UNC5C: variants seen among roughly 807,000 people sequenced by gnomAD.
UNC5C encodes the protein unc-5 netrin receptor C, also known as netrin receptor UNC5C.
UNC5C carries 47 observed loss-of-function variants against 99.8 expected under a neutral mutation model. That is an observed-to-expected ratio of 0.47 (90% CI 0.37 to 0.60). UNC5C has a LOEUF of 0.60. UNC5C is among the 20% of genes least tolerant of loss of function. The pLI, the probability that UNC5C is intolerant of heterozygous loss-of-function variation, is 0.00. For synonymous variants in UNC5C, 487 were observed against 452.2 expected (o/e 1.08, Z -0.98); for missense variants, 1,062 against 1,165.9 (o/e 0.91, Z 1.30).
intron 1 of UNC5C, among the ~76,000 whole-genome samples, chr4:95,375,799 C>T (rs564050570): frequency 3.8e-4 from 58 of 152,172 alleles, no homozygotes; most frequent in South Asian, 8.3e-4. Flanking sequence ...CAGAATAGGC[C>T]GGGCGTGGTG....
At chr4:95,525,510 G>A (rs539094860) in intron 1 of UNC5C, among the ~76,000 whole-genome samples, 7 of 142,988 alleles carry the variant, frequency 4.9e-5, no homozygotes, top group African/African-American at 1.6e-4. Flanking sequence ...CATGTAACTC[G>A]AAATGTGATA....
rs558561786 is a variant in UNC5C at position 95,376,523 on chromosome 4, T to G, written c.125-40892A>C. Among the ~76,000 whole-genome samples, 13 of 152,286 alleles carry G rather than the reference T, an allele frequency of 8.5e-5. No homozygotes were observed. In the South Asian group the frequency reaches 2.7e-3, roughly 32 times the overall value. On this transcript the variant is annotated intron_variant, in intron 1 of 15. Coordinates refer to ENST00000453304, the MANE Select transcript of UNC5C (RefSeq NM_003728.4). Reference sequence around the variant, plus strand: ...ATCAATTTATACCTTTAGAAGCTCCTATTTTGAAAAATCAGTTTAAATAAC... The same window carrying G: ...ATCAATTTATACCTTTAGAAGCTCCGATTTTGAAAAATCAGTTTAAATAAC...
chr4:95,478,138 C>T (rs1156686443), intron 1 of UNC5C, among the ~76,000 whole-genome samples: 1 of 151,768 alleles, frequency 6.6e-6, no homozygotes, highest in East Asian at 1.9e-4. Flanking sequence ...GTCCTTACAC[C>T]CACTCTTAAT....
chr4:95,440,084 C>A (rs540341488), intron 1 of UNC5C, among the ~76,000 whole-genome samples: 1 of 152,158 alleles, frequency 6.6e-6, no homozygotes. Flanking sequence ...GTGGTTCTGC[C>A]TCTGCTGTTC....
rs532994534 is a variant in UNC5C at position 95,507,213 on chromosome 4, C to A, written c.124+41521G>T. ...TTTCAATTCTTCTTTAATATAATAT[C>A]ATACCAAGTAAATTAATCAGCAGAT... On this transcript the variant is annotated intron_variant, in intron 1 of 15. Transcript: ENST00000453304. Among the ~76,000 whole-genome samples the A allele has an allele frequency of 5.3e-5, 8 of 151,968 alleles. No individual in the cohort carries two copies. The South Asian group carries it at 1.7e-3, about 32-fold the overall frequency.
chr4:95,434,741 G>A (rs752954725), intron 1 of UNC5C, among the ~76,000 whole-genome samples: 3 of 151,886 alleles, frequency 2.0e-5, no homozygotes, highest in South Asian at 2.1e-4. Flanking sequence ...ATCTTTCTCC[G>A]CATTGGTCTC....
chr4:95,230,437 T>A (rs2149372998), intron 7 of UNC5C, among the ~76,000 whole-genome samples: 1 of 152,284 alleles, frequency 6.6e-6, no homozygotes. Context: ...GCAGAAGCTC[T>A]TTAGTTTAAT....
At chr4:95,315,713 T>C (rs1021237767) in intron 2 of UNC5C, among the ~76,000 whole-genome samples, 6 of 152,190 alleles carry the variant, frequency 3.9e-5, no homozygotes, top group Non-Finnish European at 7.4e-5. Context: ...TATTTTGCAA[T>C]GATACTAGCA....
At chr4:95,200,521 A>G (rs76007369) in intron 12 of UNC5C, among the ~76,000 whole-genome samples, 1,974 of 152,362 alleles carry the variant, frequency 0.013, 42 homozygotes, top group African/African-American at 0.043. Flanking sequence ...GCCTTGGATG[A>G]TACATCTATA....
At chr4:95,545,763 C>CGT (rs1296146053) in intron 1 of UNC5C, among the ~76,000 whole-genome samples, 8 of 135,424 alleles carry the variant, frequency 5.9e-5, no homozygotes, top group African/African-American at 2.7e-4. Flanking sequence ...CACACACACG[C>CGT]GCGCGCGCGC....
At chr4:95,186,990 T>TGAC (rs1736858523) in intron 12 of UNC5C, among the ~76,000 whole-genome samples, 1 of 151,858 alleles carries the variant, frequency 6.6e-6, no homozygotes, top group Non-Finnish European at 1.5e-5. Flanking sequence ...CCCCACTCCA[T>TGAC]GACACCCCAC....
At chr4:95,308,751 CAAAAAAAAAAAAAAAAAAAAAA>C (rs59626139) in intron 2 of UNC5C, among the ~76,000 whole-genome samples, 1 of 34,396 alleles carries the variant, frequency 2.9e-5, no homozygotes, top group South Asian at 2.3e-3. Flanking sequence ...GACTCTGTCT[CAAAAAAAAAAAAAAAAAAAAAA>C]AAAAAAAAAA....
At chr4:95,400,269 G>A (rs1299360173) in intron 1 of UNC5C, among the ~76,000 whole-genome samples, 1 of 151,906 alleles carries the variant, frequency 6.6e-6, no homozygotes, top group South Asian at 2.1e-4. Context: ...GAAGTAAGCT[G>A]CTATATTCTG....
intron 3 of UNC5C, among the ~76,000 whole-genome samples, chr4:95,279,961 G>A (rs374063173): frequency 1.3e-3 from 195 of 152,150 alleles, no homozygotes; most frequent in African/African-American, 4.6e-3. Flanking sequence ...TATATCCTTC[G>A]CATCTGTAGT....
At chr4:95,266,377 TAC>T (rs1740447889) in intron 4 of UNC5C, among the ~76,000 whole-genome samples, 1 of 152,192 alleles carries the variant, frequency 6.6e-6, no homozygotes, top group African/African-American at 2.4e-5. Context: ...TTCAGTCTGG[TAC>T]AGTGTTCTCA....
chr4:95,399,296 T>C (rs1224993395), intron 1 of UNC5C, among the ~76,000 whole-genome samples: 2 of 152,200 alleles, frequency 1.3e-5, no homozygotes, highest in Non-Finnish European at 2.9e-5. Flanking sequence ...CGGCAGTGTC[T>C]TCCCTAGAGA....
chr4:95,194,267 A>C (rs1863653), intron 12 of UNC5C, among the ~76,000 whole-genome samples: 95,246 of 152,100 alleles, frequency 0.63, 31,298 homozygotes, highest in Admixed American at 0.77. Flanking sequence ...AGGACTTTGT[A>C]GGTTTTTCTA....
chr4:95,304,760 C>G (rs746262069), intron 2 of UNC5C, among the ~76,000 whole-genome samples: 3 of 152,176 alleles, frequency 2.0e-5, no homozygotes, highest in Non-Finnish European at 4.4e-5. Flanking sequence ...TATAATGGTT[C>G]TTTATACGAT....
At chr4:95,346,491 G>A (rs1008711344) in intron 1 of UNC5C, among the ~76,000 whole-genome samples, 1 of 151,880 alleles carries the variant, frequency 6.6e-6, no homozygotes, top group Non-Finnish European at 1.5e-5. Flanking sequence ...TCAAACTACA[G>A]GTCAGTATCC....
Sources: allele counts gnomAD v4.1 joint callset (sites outside exome capture counted in the v4.1 genomes callset), GRCh38; gene constraint gnomAD v4.1.1; transcripts MANE v1.5; gene names NCBI Gene and HGNC (gene_info 2026-07-23, HGNC 2026-07-21).